The following CHD6 variants were observed in gnomAD, a reference collection of about 807,000 sequenced individuals.
CHD6 encodes chromodomain helicase DNA binding protein 6, also known as ATP-dependent chromatin remodeler CHD6.
CHD6 carries 50 observed loss-of-function variants against 276.9 expected under a neutral mutation model. The observed-to-expected ratio is 0.18, with a 90% confidence interval of 0.14 to 0.23. CHD6 has a LOEUF of 0.23. CHD6 is among the 10% of genes least tolerant of loss of function. The pLI, the probability that CHD6 is intolerant of heterozygous loss-of-function variation, is 1.00. For synonymous variants in CHD6, 1,173 were observed against 1,229.3 expected (o/e 0.95, Z 0.96); for missense variants, 2,564 against 3,365.8 (o/e 0.76, Z 5.89).
At chr20:41,454,161 G>A (rs2048321901) in intron 20 of CHD6, among the ~76,000 whole-genome samples, 1 of 152,144 alleles carries the variant, frequency 6.6e-6, no homozygotes, top group African/African-American at 2.4e-5. Flanking sequence ...GGCATACTCT[G>A]GTTTCACTCT....
At chr20:41,540,774 T>C (rs2044926374) in intron 2 of CHD6, among the ~76,000 whole-genome samples, 2 of 152,152 alleles carry the variant, frequency 1.3e-5, no homozygotes, top group African/African-American at 2.4e-5. Context: ...TGTTAGAAAT[T>C]AGCTAAACAT....
intron 17 of CHD6, among the ~76,000 whole-genome samples, chr20:41,468,897 C>A (rs771204702): frequency 6.6e-6 from 1 of 152,002 alleles, no homozygotes. Context: ...GACTATAACT[C>A]CAGCTATTCA....
At chr20:41,609,210 G>T (rs543986578) in intron 1 of CHD6, among the ~76,000 whole-genome samples, 1 of 152,274 alleles carries the variant, frequency 6.6e-6, no homozygotes, top group East Asian at 1.9e-4. Flanking sequence ...CTACTCAGGA[G>T]GCTGAGGCAG....
intron 18 of CHD6, among the ~76,000 whole-genome samples, chr20:41,456,209 A>C (rs919744957): frequency 6.6e-5 from 10 of 152,100 alleles, no homozygotes; most frequent in Non-Finnish European, 1.2e-4. Flanking sequence ...ACATGATCCA[A>C]GGTCCCTAAC....
chr20:41,588,891 A>G (rs1160718484), intron 1 of CHD6, among the ~76,000 whole-genome samples: 1 of 152,184 alleles, frequency 6.6e-6, no homozygotes, highest in African/African-American at 2.4e-5. Context: ...TTCTTAAGAA[A>G]GCCAGGAAAA....
At chr20:41,554,983 G>C (rs1262400740) in intron 1 of CHD6, among the ~76,000 whole-genome samples, 1 of 149,988 alleles carries the variant, frequency 6.7e-6, no homozygotes, top group African/African-American at 2.5e-5. Context: ...CTCACCTCCC[G>C]GACGGGGCGG....
At chr20:41,463,794 G>T (rs1264181534) in intron 17 of CHD6, among the ~76,000 whole-genome samples, 2 of 152,166 alleles carry the variant, frequency 1.3e-5, no homozygotes, top group African/African-American at 4.8e-5. Context: ...TGAAACAAAT[G>T]ATAAGACTTG....
intron 1 of CHD6, among the ~76,000 whole-genome samples, chr20:41,580,956 G>C (rs1326650836): frequency 2.0e-5 from 3 of 152,092 alleles, no homozygotes; most frequent in Non-Finnish European, 4.4e-5. Flanking sequence ...AATCAGCTCT[G>C]CTCCCTTTCT....
chr20:41,483,603 T>C, intron 15 of CHD6, 84 bp from the exon 16 acceptor site: 1 of 1,032,526 alleles, frequency 9.7e-7, no homozygotes, highest in Non-Finnish European at 1.4e-6. Context: ...CTGGGAAAAA[T>C]GAAGTGAATT....
chr20:41,608,011 A>T (rs1308501947), intron 1 of CHD6, among the ~76,000 whole-genome samples: 1 of 152,200 alleles, frequency 6.6e-6, no homozygotes, highest in South Asian at 2.1e-4. Flanking sequence ...AGAATACTGG[A>T]GTCCTAATGA....
At chr20:41,598,941 A>G (rs191052384) in intron 1 of CHD6, among the ~76,000 whole-genome samples, 132 of 152,344 alleles carry the variant, frequency 8.7e-4, no homozygotes, top group Non-Finnish European at 1.4e-3. Flanking sequence ...TCACAAAAAA[A>G]GGAGTACTCC....
rs2046612083 is a variant in CHD6, at chr20:41,404,457, T to C, written c.*136A>G. 1 of 1,365,598 alleles carries C rather than the reference T, an allele frequency of 7.3e-7. No homozygotes were observed. 84.6% of individuals were successfully genotyped at this position (1,365,598 alleles called of 1,614,324 possible). A position where few individuals can be genotyped will look rare whatever the true frequency, so the allele number is the denominator to read the frequency against. On this transcript the variant is annotated 3_prime_UTR_variant, in exon 37 of 37. Coordinates refer to ENST00000373233, the MANE Select transcript of CHD6 (RefSeq NM_032221.5). ...CAACTATTAACATCTGTTACCATAG[T>C]TCTCAGACAGGAAATCAGGTACGTA...
At chr20:41,515,337 C>A (rs1038212187) in intron 3 of CHD6, among the ~76,000 whole-genome samples, 1 of 152,202 alleles carries the variant, frequency 6.6e-6, no homozygotes, top group Non-Finnish European at 1.5e-5. Flanking sequence ...CCTAATCTGT[C>A]ACCAACCTCT....
intron 1 of CHD6, among the ~76,000 whole-genome samples, chr20:41,611,887 C>T (rs1245629876): frequency 6.6e-6 from 1 of 152,162 alleles, no homozygotes; most frequent in Non-Finnish European, 1.5e-5. Flanking sequence ...ATCGACCTGC[C>T]TCGGCCTCCC....
At position 41,445,694 on chromosome 20, in the gene CHD6, T is replaced by C; in HGVS notation, c.3848A>G (p.Lys1283Arg). 1 of 1,613,628 alleles carries C rather than the reference T, an allele frequency of 6.2e-7. No individual in the cohort carries two copies. The highest frequency in any genetic ancestry group is 1.1e-5 in the South Asian group (1 of 91,054). The change falls in exon 25 of 37, where the codon AAG (lysine) becomes AGG (arginine). Residue 1283 changes from lysine (K) to arginine (R), a missense_variant. By Grantham distance (26) the Lys-to-Arg change is conservative. This residue lies in a region of CHD6 where 515 missense variants were observed against 739.5 expected (regional missense o/e 0.70). Coordinates refer to ENST00000373233, the MANE Select transcript of CHD6 (RefSeq NM_032221.5). Reference protein sequence around the residue: ...PVDWWDAEADKSLLIGVFKHG... With the variant: ...PVDWWDAEADRSLLIGVFKHG... ...CTTGAACACGCCAATGAGAAGTGAC[T>C]TATCGGCTTCAGCATCCCACCAGTC...
intron 13 of CHD6, 30 bp downstream of exon 13, chr20:41,488,398 G>T (rs766076881): frequency 1.3e-6 from 2 of 1,579,332 alleles, no homozygotes; most frequent in East Asian, 2.2e-5. Flanking sequence ...AAAGGAACCT[G>T]TGTTTATGTA....
At position 41,450,806 on chromosome 20, in the gene CHD6, CCA is replaced by C. The variant is rs2048215316; in HGVS notation, c.3683+138_3683+139del. The C allele has an allele frequency of 3.9e-6, 3 of 779,088 alleles. No homozygotes were observed. In the South Asian group the frequency reaches 5.4e-5, roughly 14 times the overall value. 48.3% of individuals were successfully genotyped at this position (779,088 alleles called of 1,614,324 possible). On this transcript the variant is annotated intron_variant, in intron 23 of 36. Transcript: ENST00000373233. ...AACATGAATTCTGAGCCAGCTTAGACCACAGATAACACATCCTGTCTTTCTAG... is the reference window on the plus strand; with the variant it reads ...AACATGAATTCTGAGCCAGCTTAGACCAGATAACACATCCTGTCTTTCTAG...
At chr20:41,457,140 T>C (rs1054200349) in intron 18 of CHD6, 124 bp downstream of exon 18, 4 of 1,111,452 alleles carry the variant, frequency 3.6e-6, no homozygotes, top group Non-Finnish European at 5.1e-6. Flanking sequence ...AATTACCCAA[T>C]AATGATGTGA....
chr20:41,475,302 C>G (rs1266334975), intron 16 of CHD6, among the ~76,000 whole-genome samples: 1 of 152,288 alleles, frequency 6.6e-6, no homozygotes, highest in Non-Finnish European at 1.5e-5. Flanking sequence ...AACAAAAATT[C>G]ATACAAGTAA....
Sources: gnomAD v4.1 joint callset for allele counts (sites outside exome capture counted in the v4.1 genomes callset) on GRCh38, gnomAD v4.1.1 for gene constraint, gnomAD v4.1.1 regional missense constraint, MANE v1.5 for transcripts, NCBI Gene and HGNC (gene_info 2026-07-23, HGNC 2026-07-21) for gene names.